IGSF11: variants seen among roughly 807,000 people sequenced by gnomAD.
The protein encoded by IGSF11 is immunoglobulin superfamily member 11, also known as CXADR like 1.
A neutral mutation model predicts 41.0 loss-of-function variants in IGSF11; 22 were observed. The ratio of observed to expected loss-of-function variants is 0.54; its 90% confidence interval spans 0.38 to 0.77. The LOEUF is 0.77. IGSF11 is among the 30% of genes least tolerant of loss of function. The pLI is 0.00. For missense variants in IGSF11, 444 were observed against 530.8 expected, an observed-to-expected ratio of 0.84 and a Z score of 1.61; for synonymous variants, 219 against 201.3, an observed-to-expected ratio of 1.09 and a Z score of -0.74.
chr3:119,029,381 A>G (rs147280870), intron 1 of IGSF11, among the ~76,000 whole-genome samples: 3 of 152,270 alleles, frequency 2.0e-5, no homozygotes, highest in Non-Finnish European at 2.9e-5. Flanking sequence ...ATATTAGCAT[A>G]TAACTATGCC....
chr3:119,127,146 G>A (rs930789363), intron 1 of IGSF11, among the ~76,000 whole-genome samples: 4 of 151,988 alleles, frequency 2.6e-5, no homozygotes, highest in Admixed American at 2.6e-4. Context: ...AAAGTTAGAG[G>A]AATTGCTAAC....
intron 1 of IGSF11, among the ~76,000 whole-genome samples, chr3:118,950,963 T>C (rs1043044096): frequency 2.0e-5 from 3 of 152,120 alleles, no homozygotes; most frequent in Non-Finnish European, 4.4e-5. Context: ...TCTGGCTTGG[T>C]GATTTCTCAC....
chr3:118,971,117 A>G (rs2107618072), intron 1 of IGSF11, among the ~76,000 whole-genome samples: 1 of 152,334 alleles, frequency 6.6e-6, no homozygotes, highest in Non-Finnish European at 1.5e-5. Context: ...CTGAAGAAAT[A>G]TAAGAGGCAA....
intron 1 of IGSF11, among the ~76,000 whole-genome samples, chr3:119,072,736 C>G (rs1424926256): frequency 6.6e-6 from 1 of 152,142 alleles, no homozygotes; most frequent in Non-Finnish European, 1.5e-5. Context: ...CTCATAAAGG[C>G]AGTGCAGACC....
chr3:119,083,496 C>A (rs2076618078), intron 1 of IGSF11, among the ~76,000 whole-genome samples: 1 of 129,344 alleles, frequency 7.7e-6, no homozygotes, highest in African/African-American at 3.0e-5. Flanking sequence ...ACACTCTTAC[C>A]ACAAAGATCA....
intron 1 of IGSF11, among the ~76,000 whole-genome samples, chr3:119,050,237 C>T (rs1490855224): frequency 2.0e-4 from 30 of 152,066 alleles, no homozygotes; most frequent in Non-Finnish European, 3.2e-4. Flanking sequence ...AGAAAATTTT[C>T]GCAACCTACT....
intron 1 of IGSF11, among the ~76,000 whole-genome samples, chr3:119,040,707 G>A (rs570024454): frequency 7.3e-4 from 111 of 152,242 alleles, no homozygotes; most frequent in African/African-American, 2.3e-3. Context: ...AATTCTCAGT[G>A]TCTTTAACAG....
rs530872125 is a variant in IGSF11 at position 119,087,853 on chromosome 3, G to T, written c.49+17291C>A. Among the ~76,000 whole-genome samples the T allele has an allele frequency of 1.6e-3, 240 of 151,880 alleles. 1 individual carries two copies. Among genetic ancestry groups the T allele is most frequent in the Middle Eastern group, 0.01 (3 of 294 alleles). The stretch of plus-strand genomic sequence containing the variant: ...TGAAGGGCATTACATAATGATAAAG[G>T]GTACAATCTGACAAGATGCCTTAAC... On this transcript the variant is annotated intron_variant, in intron 1 of 6. Transcript: ENST00000354673.
chr3:118,922,785 TGG>T (rs1464606182), intron 4 of IGSF11, among the ~76,000 whole-genome samples: 1 of 152,156 alleles, frequency 6.6e-6, no homozygotes, highest in East Asian at 1.9e-4. Flanking sequence ...ATTCAGTGTC[TGG>T]TAAGAGCCCA....
chr3:118,997,859 T>C (rs896326561), intron 1 of IGSF11, among the ~76,000 whole-genome samples: 8 of 152,156 alleles, frequency 5.3e-5, no homozygotes, highest in Non-Finnish European at 1.0e-4. Flanking sequence ...CACAAAAATA[T>C]TTAATATAAT....
intron 1 of IGSF11, among the ~76,000 whole-genome samples, chr3:118,955,731 G>T (rs1488320454): frequency 7.2e-5 from 11 of 152,096 alleles, no homozygotes; most frequent in Admixed American, 7.2e-4. Flanking sequence ...CAAAGCACAG[G>T]TAGAGGAGCT....
At chr3:119,142,131 T>G (rs941600468) in intron 1 of IGSF11, among the ~76,000 whole-genome samples, 3 of 151,702 alleles carry the variant, frequency 2.0e-5, no homozygotes, top group Non-Finnish European at 4.4e-5. Context: ...AAAAATTAGC[T>G]GGGCATGGTG....
At chr3:118,996,361 C>G (rs1233794049) in intron 1 of IGSF11, among the ~76,000 whole-genome samples, 2 of 152,164 alleles carry the variant, frequency 1.3e-5, no homozygotes, top group Non-Finnish European at 1.5e-5. Flanking sequence ...GTCACTGATT[C>G]TAATTTCAAA....
intron 1 of IGSF11, among the ~76,000 whole-genome samples, chr3:119,056,743 A>T (rs1340196695): frequency 6.6e-6 from 1 of 152,230 alleles, no homozygotes; most frequent in East Asian, 1.9e-4. Flanking sequence ...GGCAAACCGA[A>T]TCCAGCAGCA....
intron 1 of IGSF11, among the ~76,000 whole-genome samples, chr3:119,120,019 A>T (rs2077310961): frequency 6.6e-6 from 1 of 152,218 alleles, no homozygotes; most frequent in Admixed American, 6.5e-5. Flanking sequence ...GACTGTGCAC[A>T]TGCCAAGGAA....
intron 1 of IGSF11, among the ~76,000 whole-genome samples, chr3:119,090,455 A>G (rs929592588): frequency 6.6e-6 from 1 of 152,136 alleles, no homozygotes; most frequent in African/African-American, 2.4e-5. Flanking sequence ...GAACAAAGTT[A>G]AGGCATCACA....
chr3:119,087,319 G>A (rs561564988), intron 1 of IGSF11, among the ~76,000 whole-genome samples: 3 of 150,360 alleles, frequency 2.0e-5, no homozygotes, highest in Admixed American at 1.3e-4. Context: ...GCAAAAATAC[G>A]GAACTAGCCC....
intron 4 of IGSF11, among the ~76,000 whole-genome samples, chr3:118,913,646 C>A (rs78846602): frequency 0.014 from 2,097 of 152,182 alleles, 59 homozygotes; most frequent in African/African-American, 0.048. Context: ...GTAATACCTA[C>A]TGAAGGGTGT....
chr3:118,915,393 A>C (rs1940967312), intron 4 of IGSF11, among the ~76,000 whole-genome samples: 1 of 33,386 alleles, frequency 3.0e-5, no homozygotes. Context: ...AGAATAACCA[A>C]TACAGAGAAG....
Sources: gnomAD v4.1 joint callset for allele counts (sites outside exome capture counted in the v4.1 genomes callset) on GRCh38, gnomAD v4.1.1 for gene constraint, MANE v1.5 for transcripts, NCBI Gene and HGNC (gene_info 2026-07-23, HGNC 2026-07-21) for gene names.